DMD: variants seen among roughly 807,000 people sequenced by gnomAD.
DMD encodes the protein mutant dystrophin.
A neutral mutation model predicts 330.1 loss-of-function variants in DMD; 63 were observed. That is an observed-to-expected ratio of 0.19 (90% CI 0.16 to 0.24). The LOEUF (loss-of-function observed/expected upper bound fraction) is 0.24, where lower values mean the gene tolerates loss of function less well. Among genes scored for constraint, DMD ranks in the 10% least tolerant of loss-of-function variants. The probability of loss-of-function intolerance (pLI) is 1.00; values close to 1 mark genes in which losing one functional copy is unlikely to be tolerated. For synonymous variants in DMD, 1,223 were observed against 959.8 expected (o/e 1.27, Z -5.07); for missense variants, 3,344 against 2,684.1 (o/e 1.25, Z -5.43).
intron 1 of DMD, among the ~76,000 whole-genome samples, chrX:33,291,911 G>A (rs1204615080): frequency 8.9e-6 from 1 of 111,810 alleles, no homozygotes; most frequent in African/African-American, 3.2e-5. Flanking sequence ...GGAATAAGAT[G>A]TAACCCATTT....
At chrX:33,269,803 T>C in intron 1 of DMD, among the ~76,000 whole-genome samples, 1 of 111,164 alleles carries the variant, frequency 9.0e-6, no homozygotes, top group Non-Finnish European at 1.9e-5. Context: ...TAATTAGCCA[T>C]ACTTTACTGC....
chrX:31,685,523 T>G (rs768773568), intron 52 of DMD, among the ~76,000 whole-genome samples: 3 of 112,559 alleles, frequency 2.7e-5, no homozygotes, highest in Admixed American at 1.9e-4. Flanking sequence ...AAACTTGTAC[T>G]GTGTGCTACT....
At chrX:32,558,699 C>G in intron 16 of DMD, among the ~76,000 whole-genome samples, 1 of 111,084 alleles carries the variant, frequency 9.0e-6, no homozygotes, top group South Asian at 3.7e-4. Flanking sequence ...TAGAAATCTG[C>G]CTAGCTTACC....
intron 7 of DMD, among the ~76,000 whole-genome samples, chrX:32,730,230 T>C (rs1442799060): frequency 8.9e-6 from 1 of 112,315 alleles, no homozygotes; most frequent in Non-Finnish European, 1.9e-5. Flanking sequence ...CCTGCAATTC[T>C]AGTTACTCAG....
At chrX:31,775,842 A>G (rs2090621677) in intron 50 of DMD, among the ~76,000 whole-genome samples, 1 of 108,638 alleles carries the variant, frequency 9.2e-6, no homozygotes, top group East Asian at 3.0e-4. Context: ...AGGGACACCA[A>G]GAGTTTTCTA....
chrX:32,755,017 T>C (rs1457479248), intron 7 of DMD: 1 of 111,434 alleles, frequency 9.0e-6, no homozygotes, highest in African/African-American at 3.3e-5. Context: ...CTTCAAAGCC[T>C]TTCCTTACGG....
chrX:32,433,495 T>G (rs2098246924), intron 29 of DMD, among the ~76,000 whole-genome samples: 1 of 111,819 alleles, frequency 8.9e-6, no homozygotes, highest in Non-Finnish European at 1.9e-5. Flanking sequence ...CTGGCCAACA[T>G]GGTGAAGCTC....
chrX:32,452,848 A>G (rs1269280696), intron 26 of DMD, among the ~76,000 whole-genome samples: 2 of 111,145 alleles, frequency 1.8e-5, no homozygotes, highest in African/African-American at 6.5e-5. Flanking sequence ...CCCACCTCCT[A>G]AGACTTATCT....
chrX:32,124,976 A>C (rs950212457), intron 44 of DMD, among the ~76,000 whole-genome samples: 7 of 110,324 alleles, frequency 6.3e-5, no homozygotes, highest in Admixed American at 1.9e-4. Context: ...AAAAAAAAAA[A>C]AAACAAAGTT....
At chrX:32,269,573 GGAGA>G (rs962040681) in intron 43 of DMD, among the ~76,000 whole-genome samples, 3 of 111,349 alleles carry the variant, frequency 2.7e-5, no homozygotes, top group Non-Finnish European at 3.8e-5. Flanking sequence ...AGTAACAGGA[GGAGA>G]GAGAGTTATT....
chrX:32,667,292 A>G (rs2147155103), intron 9 of DMD, among the ~76,000 whole-genome samples: 1 of 111,879 alleles, frequency 8.9e-6, no homozygotes, highest in South Asian at 3.7e-4. Flanking sequence ...TAAACAGAAG[A>G]GACAACTGTC....
At chrX:33,008,362 G>A (rs769578622) in intron 2 of DMD, among the ~76,000 whole-genome samples, 1 of 110,404 alleles carries the variant, frequency 9.1e-6, no homozygotes, top group South Asian at 3.8e-4. Flanking sequence ...TTTGTGTTCT[G>A]GCTACCATGA....
chrX:31,325,370 C>T (rs762648630), intron 61 of DMD, among the ~76,000 whole-genome samples: 1 of 103,667 alleles, frequency 9.6e-6, no homozygotes, highest in African/African-American at 3.6e-5. Flanking sequence ...GAGGCTGAGG[C>T]AGGCAGATCA....
intron 8 of DMD, 80 bp downstream of exon 8, chrX:32,699,032 T>C (rs1313402455): frequency 1.2e-6 from 1 of 836,160 alleles, no homozygotes; most frequent in South Asian, 2.1e-5. Flanking sequence ...ATAAGTTATA[T>C]ATATATGTGC....
At chrX:32,616,910 T>A (rs1327720368) in intron 11 of DMD, among the ~76,000 whole-genome samples, 1 of 109,381 alleles carries the variant, frequency 9.1e-6, no homozygotes, top group East Asian at 2.9e-4. Flanking sequence ...TCTCTCCACC[T>A]TGTGACTTCT....
intron 15 of DMD, among the ~76,000 whole-genome samples, chrX:32,569,086 C>A (rs891280547): frequency 9.0e-6 from 1 of 111,536 alleles, no homozygotes; most frequent in South Asian, 3.8e-4. Context: ...AATAAACAGA[C>A]TTTATTTTTA....
intron 19 of DMD, among the ~76,000 whole-genome samples, chrX:32,492,587 C>G (rs1331959823): frequency 1.8e-5 from 2 of 111,474 alleles, no homozygotes; most frequent in African/African-American, 3.3e-5. Flanking sequence ...ATGACGAACG[C>G]CAGTCCAAGT....
chrX:33,319,936 T>G (rs1460968455), intron 1 of DMD, among the ~76,000 whole-genome samples: 1 of 111,929 alleles, frequency 8.9e-6, no homozygotes, highest in East Asian at 2.8e-4. Flanking sequence ...TTTCCACAGT[T>G]TACTTTATGC....
chrX:31,786,493 T>A (rs750828569), intron 50 of DMD, among the ~76,000 whole-genome samples: 1 of 111,052 alleles, frequency 9.0e-6, no homozygotes, highest in Non-Finnish European at 1.9e-5. Flanking sequence ...TGGAAAATAA[T>A]CGATTTATTT....
Sources: gnomAD v4.1 joint callset for allele counts (sites outside exome capture counted in the v4.1 genomes callset) on GRCh38, gnomAD v4.1.1 for gene constraint, MANE v1.5 for transcripts, NCBI Gene and HGNC (gene_info 2026-07-23, HGNC 2026-07-21) for gene names.